The following NREP variants were observed in gnomAD, a reference collection of about 807,000 sequenced individuals.
The protein encoded by NREP is neuronal regeneration-related protein.
A neutral mutation model predicts 8.6 loss-of-function variants in NREP; 5 were observed. The ratio of observed to expected loss-of-function variants is 0.58; its 90% CI spans 0.30 to 1.22. The LOEUF is 1.22. NREP is among the 50% of genes most tolerant of loss of function. The pLI is 0.07. For missense variants in NREP, 86 were observed against 82.5 expected (o/e 1.04, Z -0.17); for synonymous variants, 27 against 28.0 (o/e 0.96, Z 0.11).
At chr5:111,784,019 T>G (rs1208990454) in intron 2 of NREP, among the ~76,000 whole-genome samples, 2 of 152,184 alleles carry the variant, frequency 1.3e-5, no homozygotes, top group Non-Finnish European at 2.9e-5. Context: ...TTGCTTTTCA[T>G]TTAATCACAT....
chr5:111,788,566 G>A (rs961801692), intron 2 of NREP, among the ~76,000 whole-genome samples: 9 of 152,128 alleles, frequency 5.9e-5, no homozygotes, highest in African/African-American at 2.2e-4. Flanking sequence ...CATGCACCCA[G>A]AATTCCTGGA....
intron 2 of NREP, among the ~76,000 whole-genome samples, chr5:111,815,813 C>G (rs544578925): frequency 2.0e-5 from 3 of 152,178 alleles, no homozygotes; most frequent in African/African-American, 7.2e-5. Context: ...GCCACAGGTC[C>G]AAGAAACCCC....
chr5:111,963,438 A>G (rs1756537315), intron 2 of NREP, among the ~76,000 whole-genome samples: 1 of 152,210 alleles, frequency 6.6e-6, no homozygotes, highest in African/African-American at 2.4e-5. Flanking sequence ...CACAAAAAAT[A>G]TGTTTTTTAA....
chr5:111,819,073 T>C (rs1310411868), intron 2 of NREP, among the ~76,000 whole-genome samples: 2 of 152,174 alleles, frequency 1.3e-5, no homozygotes, highest in Non-Finnish European at 2.9e-5. Context: ...ATTCTCCATT[T>C]TAAAGTTTAA....
At chr5:111,882,661 G>T (rs1169497393) in intron 2 of NREP, among the ~76,000 whole-genome samples, 1 of 152,228 alleles carries the variant, frequency 6.6e-6, no homozygotes, top group Admixed American at 6.5e-5. Context: ...CCAGAAAAGA[G>T]TGGGGGCCAA....
chr5:111,970,863 A>T (rs1756797238), intron 2 of NREP, among the ~76,000 whole-genome samples: 2 of 151,674 alleles, frequency 1.3e-5, no homozygotes, highest in South Asian at 4.2e-4. Context: ...AGAAGAAAAA[A>T]GAAGTCTTGC....
At chr5:111,803,136 C>T (rs1216071105) in intron 2 of NREP, among the ~76,000 whole-genome samples, 2 of 152,190 alleles carry the variant, frequency 1.3e-5, no homozygotes, top group East Asian at 3.9e-4. Context: ...GCCATTGATA[C>T]CAGCCATACA....
At chr5:111,891,631 T>A (rs968568809) in intron 2 of NREP, among the ~76,000 whole-genome samples, 1 of 152,320 alleles carries the variant, frequency 6.6e-6, no homozygotes, top group South Asian at 2.1e-4. Flanking sequence ...TTCTATGGAC[T>A]GTATAGAAAG....
At chr5:111,960,415 G>A (rs1016832882) in intron 2 of NREP, among the ~76,000 whole-genome samples, 4 of 152,048 alleles carry the variant, frequency 2.6e-5, no homozygotes, top group African/African-American at 9.7e-5. Context: ...TGATCAATTA[G>A]GTTGATTTAA....
intron 1 of NREP, chr5:111,976,638 C>T (rs1756971078): frequency 6.9e-6 from 9 of 1,300,158 alleles, no homozygotes; most frequent in Admixed American, 2.1e-5. Context: ...CAGAGACAAA[C>T]ATCCTATAAT....
intron 2 of NREP, among the ~76,000 whole-genome samples, chr5:111,893,421 G>A (rs1223013637): frequency 6.6e-6 from 1 of 151,448 alleles, no homozygotes; most frequent in Non-Finnish European, 1.5e-5. Flanking sequence ...TTTCCCTTCT[G>A]TAGGTTCTCA....
At chr5:111,838,557 CTG>C (rs1056841765) in intron 2 of NREP, among the ~76,000 whole-genome samples, 2 of 152,072 alleles carry the variant, frequency 1.3e-5, no homozygotes, top group Admixed American at 6.6e-5. Context: ...AAGATCAAAA[CTG>C]AGATTTTCTT....
chr5:111,858,536 A>G (rs900070626), intron 2 of NREP, among the ~76,000 whole-genome samples: 1 of 152,140 alleles, frequency 6.6e-6, no homozygotes, highest in Non-Finnish European at 1.5e-5. Flanking sequence ...CTGTAATCCC[A>G]GCACTTGGGG....
chr5:111,967,652 G>A (rs1000210506), intron 2 of NREP, among the ~76,000 whole-genome samples: 4 of 152,260 alleles, frequency 2.6e-5, no homozygotes, highest in East Asian at 3.9e-4. Flanking sequence ...TCTGGGAAGT[G>A]AGGAGCGCCT....
chr5:111,756,308 AAAAAC>A (rs1353759530), intron 1 of NREP: 11 of 781,108 alleles, frequency 1.4e-5, no homozygotes, highest in East Asian at 1.2e-4. Context: ...AAAAAAAAAA[AAAAAC>A]CCTACACGGC....
upstream of NREP, among the ~76,000 whole-genome samples, chr5:111,761,327 G>A (rs79705574): frequency 0.022 from 3,390 of 152,252 alleles, 129 homozygotes; most frequent in African/African-American, 0.078. Flanking sequence ...CTTTTGCAGT[G>A]AGTTACACTG....
intron 2 of NREP, among the ~76,000 whole-genome samples, chr5:111,770,964 T>C (rs1047126886): frequency 1.3e-5 from 2 of 152,192 alleles, no homozygotes; most frequent in African/African-American, 4.8e-5. Flanking sequence ...CTAAAGTTCA[T>C]GCATGGAACT....
chr5:111,922,573 A>C (rs1467823477), intron 2 of NREP, among the ~76,000 whole-genome samples: 1 of 152,130 alleles, frequency 6.6e-6, no homozygotes, highest in Non-Finnish European at 1.5e-5. Flanking sequence ...AGAAGAAGCC[A>C]TCTGTTGAGG....
chr5:111,963,912 A>T (rs981249152), intron 2 of NREP, among the ~76,000 whole-genome samples: 5 of 152,230 alleles, frequency 3.3e-5, no homozygotes, highest in African/African-American at 4.8e-5. Context: ...AGGACTTTTT[A>T]AAAAATTCTA....
Sources: allele counts gnomAD v4.1 joint callset (sites outside exome capture counted in the v4.1 genomes callset), GRCh38; gene constraint gnomAD v4.1.1; transcripts MANE v1.5; gene names NCBI Gene and HGNC (gene_info 2026-07-23, HGNC 2026-07-21).